GRID1: variants seen among roughly 807,000 people sequenced by gnomAD.
GRID1 encodes glutamate ionotropic receptor delta type subunit 1.
In GRID1, 28 loss-of-function variants were observed where a neutral mutation model predicts 98.0. That is an observed-to-expected ratio of 0.29 (90% CI 0.21 to 0.39). The LOEUF is 0.39. Ranked by LOEUF, GRID1 falls within the 10% of genes least tolerant of loss-of-function variation. The probability of loss-of-function intolerance (pLI) is 1.00; values close to 1 mark genes in which losing one functional copy is unlikely to be tolerated. For missense variants in GRID1, 1,111 were observed against 1,340.5 expected (o/e 0.83, Z 2.67); for synonymous variants, 553 against 538.5 (o/e 1.03, Z -0.37).
intron 2 of GRID1, among the ~76,000 whole-genome samples, chr10:86,228,333 G>C (rs1846391419): frequency 6.6e-6 from 1 of 150,876 alleles, no homozygotes; most frequent in Non-Finnish European, 1.5e-5. Flanking sequence ...GAATGGGAGA[G>C]GAAACGTAGA....
intron 4 of GRID1, among the ~76,000 whole-genome samples, chr10:86,008,058 G>A (rs1237005496): frequency 6.6e-6 from 1 of 152,112 alleles, no homozygotes; most frequent in African/African-American, 2.4e-5. Flanking sequence ...AAAGAAATAA[G>A]ACTGTATATA....
chr10:86,218,685 C>A (rs1407326614), intron 2 of GRID1, among the ~76,000 whole-genome samples: 3 of 152,222 alleles, frequency 2.0e-5, no homozygotes, highest in African/African-American at 7.2e-5. Flanking sequence ...TCTACCCAGA[C>A]AAGTGCCTCC....
chr10:86,222,511 C>A (rs984022531), intron 2 of GRID1, among the ~76,000 whole-genome samples: 28 of 152,118 alleles, frequency 1.8e-4, no homozygotes, highest in African/African-American at 6.8e-4. Context: ...AGAAACCATG[C>A]ATGTTGCAGG....
chr10:85,840,664 A>G (rs545385495), intron 8 of GRID1, among the ~76,000 whole-genome samples: 2 of 152,332 alleles, frequency 1.3e-5, no homozygotes, highest in African/African-American at 4.8e-5. Flanking sequence ...ATCAATGTGC[A>G]AAAATCACTA....
At chr10:86,148,822 T>A (rs904848165) in intron 3 of GRID1, among the ~76,000 whole-genome samples, 5 of 152,148 alleles carry the variant, frequency 3.3e-5, no homozygotes, top group Admixed American at 3.3e-4. Flanking sequence ...GCAGCCCCAC[T>A]GCCCTGCTCC....
intron 13 of GRID1, among the ~76,000 whole-genome samples, chr10:85,629,875 AT>A (rs1194211338): frequency 6.6e-6 from 1 of 152,050 alleles, no homozygotes; most frequent in East Asian, 1.9e-4. Flanking sequence ...AACATCTGTT[AT>A]TTTTTGTCAT....
intron 4 of GRID1, among the ~76,000 whole-genome samples, chr10:86,030,307 TG>T (rs1843169161): frequency 1.3e-5 from 2 of 152,360 alleles, no homozygotes; most frequent in South Asian, 4.1e-4. Context: ...ATGTCTTAGA[TG>T]GTCTGTGGAA....
At chr10:86,193,872 C>T (rs886402870) in intron 3 of GRID1, among the ~76,000 whole-genome samples, 4 of 151,996 alleles carry the variant, frequency 2.6e-5, no homozygotes, top group Non-Finnish European at 5.9e-5. Flanking sequence ...CTCCCACTAC[C>T]GCTCACTCCC....
intron 12 of GRID1, among the ~76,000 whole-genome samples, chr10:85,668,662 A>C (rs970733685): frequency 6.6e-6 from 1 of 152,222 alleles, no homozygotes; most frequent in Non-Finnish European, 1.5e-5. Flanking sequence ...CACACAGCTA[A>C]TGAGTCTGCC....
intron 3 of GRID1, among the ~76,000 whole-genome samples, chr10:86,185,247 T>C (rs1845711427): frequency 6.6e-6 from 1 of 152,180 alleles, no homozygotes; most frequent in African/African-American, 2.4e-5. Flanking sequence ...TATGCTATTG[T>C]AAATAGTATT....
At chr10:86,121,548 T>TACCATC (rs1844673822) in intron 4 of GRID1, among the ~76,000 whole-genome samples, 7 of 13,446 alleles carry the variant, frequency 5.2e-4, no homozygotes, top group South Asian at 2.4e-3. Flanking sequence ...CCATCACCAT[T>TACCATC]ATCTCACCAT....
At chr10:85,662,273 C>T (rs1840973808) in intron 12 of GRID1, among the ~76,000 whole-genome samples, 1 of 152,202 alleles carries the variant, frequency 6.6e-6, no homozygotes, top group Non-Finnish European at 1.5e-5. Context: ...AACAGGGATA[C>T]CTACAGGTCT....
intron 3 of GRID1, among the ~76,000 whole-genome samples, chr10:86,186,038 C>T (rs951112709): frequency 5.9e-5 from 9 of 152,196 alleles, no homozygotes; most frequent in African/African-American, 2.2e-4. Context: ...GTGAAGCTAT[C>T]TGCGTCTGGA....
chr10:86,172,482 C>T (rs1036965224), intron 3 of GRID1, among the ~76,000 whole-genome samples: 29 of 152,164 alleles, frequency 1.9e-4, no homozygotes, highest in African/African-American at 6.8e-4. Context: ...AGGCAGTCTG[C>T]CTCCAGAGCC....
intron 8 of GRID1, among the ~76,000 whole-genome samples, chr10:85,829,498 T>C (rs1842848839): frequency 2.0e-5 from 3 of 151,894 alleles, no homozygotes; most frequent in African/African-American, 2.4e-5. Flanking sequence ...TAGCAAGAGA[T>C]TGGAAGTCAA....
intron 15 of GRID1, among the ~76,000 whole-genome samples, chr10:85,603,886 C>G (rs576819943): frequency 9.2e-5 from 14 of 152,204 alleles, no homozygotes; most frequent in Non-Finnish European, 1.8e-4. Context: ...ATCCCCTGTC[C>G]ACCTTGCAGG....
intron 3 of GRID1, among the ~76,000 whole-genome samples, chr10:86,158,811 G>C (rs1845281391): frequency 6.6e-6 from 1 of 152,198 alleles, no homozygotes; most frequent in South Asian, 2.1e-4. Flanking sequence ...AAACGAGGTG[G>C]AATCAACTGA....
intron 5 of GRID1, 47 bp from the exon 6 acceptor site, chr10:85,869,227 C>G: frequency 6.4e-7 from 1 of 1,550,906 alleles, no homozygotes; most frequent in Non-Finnish European, 8.9e-7. Flanking sequence ...CATGAACTAT[C>G]TCTGCAAGAG....
At chr10:85,882,539 G>A (rs529953747) in intron 5 of GRID1, among the ~76,000 whole-genome samples, 52 of 152,002 alleles carry the variant, frequency 3.4e-4, no homozygotes, top group Middle Eastern at 3.4e-3. Flanking sequence ...ACCAAACACC[G>A]CATGTTCTCA....
Sources: gnomAD v4.1 joint callset for allele counts (sites outside exome capture counted in the v4.1 genomes callset) on GRCh38, gnomAD v4.1.1 for gene constraint, MANE v1.5 for transcripts, NCBI Gene and HGNC (gene_info 2026-07-23, HGNC 2026-07-21) for gene names.